ZDHHC23: variants seen among roughly 807,000 people sequenced by gnomAD.
ZDHHC23 encodes palmitoyltransferase ZDHHC23.
Under a neutral mutation model 40.2 loss-of-function variants are expected in ZDHHC23, and 41 were observed. The ratio of observed to expected loss-of-function variants is 1.02; its 90% CI spans 0.79 to 1.32. ZDHHC23 has a LOEUF of 1.32. ZDHHC23 is among the 40% of genes most tolerant of loss of function. The pLI is 0.00. For synonymous variants in ZDHHC23, 204 were observed against 210.2 expected (o/e 0.97, Z 0.26); for missense variants, 471 against 541.5 (o/e 0.87, Z 1.29).
In ZDHHC23 at chr3:113,958,788, A is replaced by G. The variant is rs772071836; in HGVS notation, c.*158A>G. 1.3e-6 allele frequency: 2 copies of G among 1,523,920 alleles called. No individual in the cohort carries two copies. Among genetic ancestry groups the G allele is most frequent in the Admixed American group, 3.6e-5 (2 of 56,332 alleles). 94.4% of individuals were successfully genotyped at this position (1,523,920 alleles called of 1,614,324 possible). A position where few individuals can be genotyped will look rare whatever the true frequency, so the allele number is the denominator to read the frequency against. ...GAGTGGGAAGAAGTTAATTTTTCTG[A>G]CGCCACAACTTAAGAGACTTTTATA... On this transcript the variant is annotated 3_prime_UTR_variant, in exon 5 of 5. Coordinates refer to ENST00000638807, the MANE Select transcript of ZDHHC23 (RefSeq NM_001320466.2).
intron 2 of ZDHHC23, 50 bp downstream of exon 2, chr3:113,949,013 T>C (rs1224044078): frequency 2.5e-6 from 4 of 1,604,716 alleles, no homozygotes; most frequent in African/African-American, 1.3e-5. Flanking sequence ...TTCTGAGAAC[T>C]GCCATGTGTA....
the ZDHHC23 span, among the ~76,000 whole-genome samples, chr3:113,979,174 A>G: frequency 6.6e-5 from 10 of 152,340 alleles, no homozygotes; most frequent in South Asian, 2.1e-4. Context: ...CTGTTGACCT[A>G]TTCTATGGAG....
chr3:113,960,866 A>G lies in ZDHHC23; in HGVS notation c.*2236A>G. 2 of 1,379,986 alleles carry G rather than the reference A, an allele frequency of 1.4e-6. No homozygotes were observed. Among genetic ancestry groups the G allele is most frequent in the South Asian group, 3.1e-5 (2 of 63,938 alleles). 85.5% of individuals were successfully genotyped at this position (1,379,986 alleles called of 1,614,324 possible). ...TTGACAGAATGCTTAAACCTGTCAA[A>G]AGATGAGTGATCTTGTGTGGGAAAA... On this transcript the variant is annotated 3_prime_UTR_variant, in exon 5 of 5. Coordinates refer to ENST00000638807, the MANE Select transcript of ZDHHC23 (RefSeq NM_001320466.2).
chr3:113,970,821 G>A, the ZDHHC23 span, among the ~76,000 whole-genome samples: 4 of 151,854 alleles, frequency 2.6e-5, no homozygotes, highest in African/African-American at 7.3e-5. Flanking sequence ...TGCGGTGTTT[G>A]GGTTTTTGTC....
At position 113,959,075 on chromosome 3, in the gene ZDHHC23, C is replaced by T; in HGVS notation, c.*445C>T. ...GGGGTACTGATGCCTGCCCTGGCTA[C>T]CTCACAGAGCCGTCATGAGGGTCAC... On this transcript the variant is annotated 3_prime_UTR_variant, in exon 5 of 5. Transcript: ENST00000638807. The T allele has an allele frequency of 2.1e-6, 2 of 943,676 alleles. No individual in the cohort carries two copies. The highest frequency in any genetic ancestry group is 2.7e-6 in the Non-Finnish European group (2 of 739,992). 58.5% of individuals were successfully genotyped at this position (943,676 alleles called of 1,614,324 possible).
the ZDHHC23 span, among the ~76,000 whole-genome samples, chr3:113,970,652 T>C: frequency 6.6e-6 from 1 of 152,194 alleles, no homozygotes; most frequent in Non-Finnish European, 1.5e-5. Context: ...TGTGTCATGT[T>C]GGTGTGCTGC....
Position 113,960,603 on chromosome 3 carries a change from T to G in ZDHHC23, c.*1973T>G. On this transcript the variant is annotated 3_prime_UTR_variant, in exon 5 of 5. Transcript: ENST00000638807. ...CAGTAATTTTAGCTTCTTGCCAAAT[T>G]GTTCACAACATCTAAATGTAATGTG... 6.4e-7 allele frequency: 1 copy of G among 1,553,692 alleles called. No homozygotes were observed. Among genetic ancestry groups the G allele is most frequent in the Non-Finnish European group, 8.6e-7 (1 of 1,157,894 alleles).
At position 113,952,596 on chromosome 3, in the gene ZDHHC23, A is replaced by G. The variant is rs922781701; in HGVS notation, c.162-1104A>G. On this transcript the variant is annotated intron_variant, in intron 2 of 4. Transcript: ENST00000638807. Reference sequence around the variant, plus strand: ...TCCACAGCTGCATCCACATTTTTAGATATCTGTTGTAGCAACATCCTACTT... The same window carrying G: ...TCCACAGCTGCATCCACATTTTTAGGTATCTGTTGTAGCAACATCCTACTT... Among the ~76,000 whole-genome samples, 3 of 152,266 alleles carry G rather than the reference A, an allele frequency of 2.0e-5. No homozygotes were observed. The South Asian group carries it at 6.2e-4, about 32-fold the overall frequency.
intron 2 of ZDHHC23, among the ~76,000 whole-genome samples, chr3:113,949,374 A>G (rs1938447440): frequency 6.6e-6 from 1 of 152,214 alleles, no homozygotes; most frequent in African/African-American, 2.4e-5. Flanking sequence ...GCACCTGACC[A>G]CAGAGGGCCT....
downstream of ZDHHC23, among the ~76,000 whole-genome samples, chr3:113,969,931 C>T (rs1000254664): frequency 2.0e-5 from 3 of 152,092 alleles, no homozygotes; most frequent in Non-Finnish European, 2.9e-5. Flanking sequence ...CTGTAAATTG[C>T]TTTGGGTAGT....
At chr3:113,950,160 A>G (rs1938526422) in intron 2 of ZDHHC23, among the ~76,000 whole-genome samples, 1 of 152,068 alleles carries the variant, frequency 6.6e-6, no homozygotes. Flanking sequence ...GCTGCTCTGT[A>G]TGATTCCCAA....
downstream of ZDHHC23, among the ~76,000 whole-genome samples, chr3:113,967,563 A>G (rs543171574): frequency 6.6e-6 from 1 of 152,318 alleles, no homozygotes; most frequent in East Asian, 1.9e-4. Context: ...TTATACATTC[A>G]TGTAATGTGT....
Position 113,962,720 on chromosome 3 carries a change from G to A in ZDHHC23, c.*4090G>A, listed in dbSNP as rs1171108909. On this transcript the variant is annotated 3_prime_UTR_variant, in exon 5 of 5. Coordinates refer to ENST00000638807, the MANE Select transcript of ZDHHC23 (RefSeq NM_001320466.2). Reference sequence around the variant, plus strand: ...TGGATGTTAGACTAAAGGAAACCCAGGAATATTTACCTGGTGTTACATTTA... The same window carrying A: ...TGGATGTTAGACTAAAGGAAACCCAAGAATATTTACCTGGTGTTACATTTA... The A allele has an allele frequency of 6.6e-6, 1 of 152,132 alleles. No homozygotes were observed. Among genetic ancestry groups the A allele is most frequent in the East Asian group, 1.9e-4 (1 of 5,196 alleles). The allele number at this position is 152,132 out of a possible 1,614,324, so 9.4% of individuals were successfully genotyped here.
At chr3:113,976,012 CT>C in the ZDHHC23 span, among the ~76,000 whole-genome samples, 1 of 152,130 alleles carries the variant, frequency 6.6e-6, no homozygotes, top group Admixed American at 6.5e-5. Context: ...AATCCTAGCA[CT>C]TTGGGAGGCC....
chr3:113,965,472 A>T (rs1023864871), downstream of ZDHHC23: 2 of 552,802 alleles, frequency 3.6e-6, no homozygotes, highest in Non-Finnish European at 6.1e-6. Flanking sequence ...ATGCTGTATA[A>T]AAGGTGTGGA....
At chr3:113,965,296 T>C (rs1940003423), downstream of ZDHHC23, 2 of 1,611,682 alleles carry the variant, frequency 1.2e-6, no homozygotes, top group African/African-American at 1.3e-5. Flanking sequence ...CTTCTTTTAC[T>C]CTTTCCTCTT....
At position 113,959,809 on chromosome 3, in the gene ZDHHC23, G is replaced by A; in HGVS notation, c.*1179G>A. 1.9e-6 allele frequency: 2 copies of A among 1,051,304 alleles called. No homozygotes were observed. The highest frequency in any genetic ancestry group is 1.2e-6 in the Non-Finnish European group (1 of 861,150). 65.1% of individuals were successfully genotyped at this position (1,051,304 alleles called of 1,614,324 possible). ...TAAATAACAGTATCTCACTAAGAGA[G>A]AAGAAACAGGGTATATGTGGTTTCC... On this transcript the variant is annotated 3_prime_UTR_variant, in exon 5 of 5. Transcript: ENST00000638807.
At chr3:113,975,227 G>A in the ZDHHC23 span, among the ~76,000 whole-genome samples, 76 of 152,164 alleles carry the variant, frequency 5.0e-4, no homozygotes, top group East Asian at 3.3e-3. Flanking sequence ...AAAATTATCC[G>A]GAAGTGATAC....
At chr3:113,963,767 CA>C (rs1939859203), downstream of ZDHHC23, among the ~76,000 whole-genome samples, 1 of 151,714 alleles carries the variant, frequency 6.6e-6, no homozygotes, top group South Asian at 2.1e-4. Flanking sequence ...ACAGAACAAA[CA>C]AAATAATAAA....
Sources: allele counts gnomAD v4.1 joint callset (sites outside exome capture counted in the v4.1 genomes callset), GRCh38; gene constraint gnomAD v4.1.1; transcripts MANE v1.5; gene names NCBI Gene and HGNC (gene_info 2026-07-23, HGNC 2026-07-21).